Variants in PIK3AP1 observed in about 807,000 individuals in gnomAD.
The protein encoded by PIK3AP1 is phosphoinositide 3-kinase adapter protein 1.
A neutral mutation model predicts 88.1 loss-of-function variants in PIK3AP1; 21 were observed. That is an observed-to-expected ratio of 0.24 (90% confidence interval 0.17 to 0.34). PIK3AP1 has a LOEUF of 0.34. PIK3AP1 is among the 10% of genes least tolerant of loss of function. The probability of loss-of-function intolerance (pLI) is 1.00; values close to 1 mark genes in which losing one functional copy is unlikely to be tolerated. For synonymous variants in PIK3AP1, 398 were observed against 400.0 expected (o/e 1.00, Z 0.06); for missense variants, 828 against 1,035.7 (o/e 0.80, Z 2.75).
At position 96,651,655 on chromosome 10, in the gene PIK3AP1, A is replaced by G. The variant is rs1045445982; in HGVS notation, c.713-4T>C. Reference sequence around the variant, plus strand: ...GAAACGTTCCCAGATGAAAGGTCTGAACAGAAGAAAAGACACTATCAAAAT... The same window carrying G: ...GAAACGTTCCCAGATGAAAGGTCTGGACAGAAGAAAAGACACTATCAAAAT... On this transcript the variant is annotated splice_region_variant and splice_polypyrimidine_tract_variant and intron_variant, in intron 4 of 16. Coordinates refer to ENST00000339364, the MANE Select transcript of PIK3AP1 (RefSeq NM_152309.3). 1 of 1,612,824 alleles carries G rather than the reference A, an allele frequency of 6.2e-7. No individual in the cohort carries two copies. The highest frequency in any genetic ancestry group is 1.3e-5 in the African/African-American group (1 of 74,796).
intron 8 of PIK3AP1, among the ~76,000 whole-genome samples, chr10:96,631,321 G>A (rs971196247): frequency 6.6e-6 from 1 of 152,218 alleles, no homozygotes. Flanking sequence ...CCTGTTGACA[G>A]AGTGGTAAAA....
intron 2 of PIK3AP1, among the ~76,000 whole-genome samples, chr10:96,662,967 A>G (rs1025959206): frequency 1.3e-5 from 2 of 151,656 alleles, no homozygotes; most frequent in Admixed American, 1.3e-4. Flanking sequence ...ATAAATAAAA[A>G]TGAATGATGT....
At chr10:96,637,483 T>G (rs1843328332) in intron 8 of PIK3AP1, among the ~76,000 whole-genome samples, 1 of 152,006 alleles carries the variant, frequency 6.6e-6, no homozygotes, top group Admixed American at 6.6e-5. Context: ...TGAGCCTCCT[T>G]AACTACAGGC....
At chr10:96,660,674 G>A (rs1843674188) in intron 2 of PIK3AP1, among the ~76,000 whole-genome samples, 1 of 152,126 alleles carries the variant, frequency 6.6e-6, no homozygotes, top group South Asian at 2.1e-4. Flanking sequence ...AAAAAGAATT[G>A]AAAACTTACA....
intron 2 of PIK3AP1, among the ~76,000 whole-genome samples, chr10:96,687,059 AT>A (rs1401734567): frequency 2.0e-5 from 3 of 151,902 alleles, no homozygotes; most frequent in African/African-American, 7.3e-5. Flanking sequence ...GATCGAGACC[AT>A]CCTGGCTAAT....
At position 96,616,621 on chromosome 10, in the gene PIK3AP1, C is replaced by A; in HGVS notation, c.2014+18G>T. On this transcript the variant is annotated intron_variant, in intron 13 of 16. Transcript: ENST00000339364. The stretch of plus-strand genomic sequence containing the variant: ...CAGCAATGTCCCACACAATGCAGCA[C>A]CCTAGGAAGCCACATACCTGTCTGC... 1 of 1,612,660 alleles carries A rather than the reference C, an allele frequency of 6.2e-7. No individual in the cohort carries two copies. Among genetic ancestry groups the A allele is most frequent in the Non-Finnish European group, 8.5e-7 (1 of 1,178,732 alleles).
intron 8 of PIK3AP1, among the ~76,000 whole-genome samples, chr10:96,634,058 C>T (rs1843281461): frequency 6.6e-6 from 1 of 152,210 alleles, no homozygotes; most frequent in Admixed American, 6.5e-5. Context: ...TTGCCTTACA[C>T]TTCCCTGACA....
chr10:96,627,541 G>A lies in PIK3AP1; in HGVS notation c.1472-636C>T, dbSNP rs140235418. Among the ~76,000 whole-genome samples the A allele has an allele frequency of 3.6e-4, 55 of 152,272 alleles. 1 individual carries two copies. The East Asian group carries it at 9.6e-3, about 27-fold the overall frequency. On this transcript the variant is annotated intron_variant, in intron 9 of 16. Transcript: ENST00000339364. ...CAGGCAGATGGCCAGGCTGTGGTTT[G>A]TCTACCACTGCTTTAGAGTTTTTTC...
Position 96,594,993 on chromosome 10 carries a change from G to A in PIK3AP1, c.*584C>T, listed in dbSNP as rs781206091. On this transcript the variant is annotated 3_prime_UTR_variant, in exon 17 of 17. Coordinates refer to ENST00000339364, the MANE Select transcript of PIK3AP1 (RefSeq NM_152309.3). This position sits in a 1 kb window ranked among gnomAD's most constrained non-coding sequence, Gnocchi z 4.6. ...TGAATAGTCTTGGTTCCAGACTTCT[G>A]TGGAACCTCAGATTTGCCTTCTGTA... 1 of 152,866 alleles carries A rather than the reference G, an allele frequency of 6.5e-6. No individual in the cohort carries two copies. Among genetic ancestry groups the A allele is most frequent in the Non-Finnish European group, 1.5e-5 (1 of 68,272 alleles). 9.5% of individuals were successfully genotyped at this position (152,866 alleles called of 1,614,324 possible).
At chr10:96,705,787 T>C (rs1331511695) in intron 2 of PIK3AP1, among the ~76,000 whole-genome samples, 1 of 151,780 alleles carries the variant, frequency 6.6e-6, no homozygotes, top group Non-Finnish European at 1.5e-5. Flanking sequence ...TTTGCCATGT[T>C]GTCCAGACAG....
chr10:96,675,134 C>T (rs1417977463), intron 2 of PIK3AP1, among the ~76,000 whole-genome samples: 1 of 151,392 alleles, frequency 6.6e-6, no homozygotes, highest in Admixed American at 6.6e-5. Context: ...CTCAGGTGAT[C>T]TGCCTGCCTC....
At chr10:96,704,133 C>T (rs973731855) in intron 2 of PIK3AP1, among the ~76,000 whole-genome samples, 3 of 152,138 alleles carry the variant, frequency 2.0e-5, no homozygotes, top group Admixed American at 2.0e-4. Flanking sequence ...AGTGAACGCA[C>T]CGAATCTATG....
In PIK3AP1 at chr10:96,595,569, A is replaced by C. The variant is rs1848740272; in HGVS notation, c.*8T>G. 3 of 1,613,042 alleles carry C rather than the reference A, an allele frequency of 1.9e-6. No homozygotes were observed. The East Asian group carries it at 6.7e-5, about 36-fold the overall frequency. ...AGTCCTGAAGTAGGCAGGTTTTAGG[A>C]GGTGGAATCAGCGTCCTCTGGGTGG... On this transcript the variant is annotated 3_prime_UTR_variant, in exon 17 of 17. Coordinates refer to ENST00000339364, the MANE Select transcript of PIK3AP1 (RefSeq NM_152309.3).
At chr10:96,663,544 C>T (rs148895472) in intron 2 of PIK3AP1, among the ~76,000 whole-genome samples, 7,841 of 142,922 alleles carry the variant, frequency 0.055, 659 homozygotes, top group African/African-American at 0.19. Context: ...GCAGGAGAAT[C>T]ACTTGAACCC....
At chr10:96,628,891 T>C (rs12247589) in intron 8 of PIK3AP1, among the ~76,000 whole-genome samples, 15,850 of 35,826 alleles carry the variant, frequency 0.44, 2,813 homozygotes, top group Non-Finnish European at 0.48. Context: ...TATATATACA[T>C]ATATATATAT....
At chr10:96,633,174 T>G (rs1213905049) in intron 8 of PIK3AP1, 1 of 1,235,214 alleles carries the variant, frequency 8.1e-7, no homozygotes, top group African/African-American at 1.5e-5. Context: ...GCTGTCCCTT[T>G]CAAGTATTTC....
chr10:96,677,737 G>A (rs1321071337), intron 2 of PIK3AP1, among the ~76,000 whole-genome samples: 9 of 152,234 alleles, frequency 5.9e-5, no homozygotes, highest in South Asian at 2.1e-4. Flanking sequence ...AATCACAAGC[G>A]TGAGGACAAA....
chr10:96,626,792 T>C lies in PIK3AP1; in HGVS notation c.1585A>G (p.Arg529Gly). ...DEAFSVDLAS[R>G]PPVPVPRPET... ...GGTCTGGGCACTGGGACAGGGGGCC[T>C]GCTGGCCAGGTCCACAGAAAAGGCC... Residue 529 changes from arginine to glycine, a missense_variant, in exon 10 of 17, where the codon AGG (arginine) becomes GGG (glycine). Transcript: ENST00000339364. The C allele has an allele frequency of 1.2e-6, 2 of 1,614,248 alleles. No homozygotes were observed. The highest frequency in any genetic ancestry group is 1.7e-6 in the Non-Finnish European group (2 of 1,180,030).
At chr10:96,683,134 G>A (rs1844024795) in intron 2 of PIK3AP1, among the ~76,000 whole-genome samples, 1 of 152,134 alleles carries the variant, frequency 6.6e-6, no homozygotes, top group Non-Finnish European at 1.5e-5. Flanking sequence ...ATACAATTCT[G>A]TTAATTTCTA....
Sources: allele counts gnomAD v4.1 joint callset (sites outside exome capture counted in the v4.1 genomes callset), GRCh38; gene constraint gnomAD v4.1.1; non-coding constraint Gnocchi (gnomAD v3.1); transcripts MANE v1.5; gene names NCBI Gene and HGNC (gene_info 2026-07-23, HGNC 2026-07-21).